The following PLSCR4 variants were observed in gnomAD, a reference collection of about 807,000 sequenced individuals.
PLSCR4 encodes phospholipid scramblase 4.
In PLSCR4, 25 loss-of-function variants were observed where a neutral mutation model predicts 36.3. That is an observed-to-expected ratio of 0.69 (90% confidence interval 0.50 to 0.96). PLSCR4 has a LOEUF of 0.96. Among genes scored for constraint, PLSCR4 ranks in the 40% least tolerant of loss-of-function variants. PLSCR4 has a pLI of 0.00. For missense variants in PLSCR4, 408 were observed against 414.7 expected (o/e 0.98, Z 0.14); for synonymous variants, 122 against 132.9 (o/e 0.92, Z 0.56).
intron 8 of PLSCR4, 101 bp downstream of exon 8, chr3:146,195,022 TA>T: frequency 1.1e-6 from 1 of 942,930 alleles, no homozygotes; most frequent in Non-Finnish European, 1.6e-6. Flanking sequence ...GGCACAGAGA[TA>T]AGTTGGATTG....
chr3:146,229,869 C>A (rs978564311), intron 1 of PLSCR4, among the ~76,000 whole-genome samples: 2 of 152,052 alleles, frequency 1.3e-5, no homozygotes, highest in African/African-American at 4.8e-5. Context: ...CGTGATCCAC[C>A]CGCCTCAGCC....
At position 146,231,967 on chromosome 3, in the gene PLSCR4, T is replaced by C. The variant is rs546539126; in HGVS notation, c.-21-9875A>G. On this transcript the variant is annotated intron_variant, in intron 1 of 8. Transcript: ENST00000354952. ...CAGAATGGTATGTCCTAGGTTTTCT[T>C]CTAGGGATTTTATAGTTTTAGGTCT... Among the ~76,000 whole-genome samples the C allele has an allele frequency of 2.6e-5, 4 of 152,322 alleles. No homozygotes were observed. The South Asian group carries it at 8.3e-4, about 32-fold the overall frequency.
Position 146,230,597 on chromosome 3 carries a change from G to A in PLSCR4, c.-21-8505C>T, listed in dbSNP as rs960333395. Among the ~76,000 whole-genome samples, 105 of 152,118 alleles carry A rather than the reference G, an allele frequency of 6.9e-4. 9 individuals carry two copies. Among genetic ancestry groups the A allele is most frequent in the Non-Finnish European group, 1.3e-4 (9 of 68,026 alleles). ...AAATACTATTGTCTCTTTGTTGCTTGGACATGTTGCTGTGTAACAGAGAGA... is the reference window on the plus strand; with the variant it reads ...AAATACTATTGTCTCTTTGTTGCTTAGACATGTTGCTGTGTAACAGAGAGA... On this transcript the variant is annotated intron_variant, in intron 1 of 8. Coordinates refer to ENST00000354952, the MANE Select transcript of PLSCR4 (RefSeq NM_020353.3).
intron 3 of PLSCR4, among the ~76,000 whole-genome samples, chr3:146,210,373 C>CA (rs1272593289): frequency 6.6e-6 from 1 of 151,936 alleles, no homozygotes; most frequent in Non-Finnish European, 1.5e-5. Context: ...GCCTTAGTGA[C>CA]AAGACATGAA....
intron 1 of PLSCR4, among the ~76,000 whole-genome samples, chr3:146,248,338 A>T (rs2036422296): frequency 6.6e-6 from 1 of 152,224 alleles, no homozygotes; most frequent in African/African-American, 2.4e-5. Context: ...TTTTCCTTAT[A>T]CACACGCATA....
At chr3:146,221,942 C>T (rs1037184102) in intron 2 of PLSCR4, 123 bp downstream of exon 2, 5 of 473,986 alleles carry the variant, frequency 1.1e-5, no homozygotes, top group Admixed American at 4.5e-5. Flanking sequence ...AACACACACA[C>T]GTATTTATAT....
intron 3 of PLSCR4, 67 bp from the exon 4 acceptor site, chr3:146,206,828 C>T (rs1361771895): frequency 1.2e-5 from 12 of 974,356 alleles, no homozygotes; most frequent in East Asian, 5.3e-5. Context: ...TTTTTACATG[C>T]GATGAAATAG....
intron 3 of PLSCR4, among the ~76,000 whole-genome samples, chr3:146,220,002 C>T (rs1209840267): frequency 6.6e-6 from 1 of 151,888 alleles, no homozygotes; most frequent in Non-Finnish European, 1.5e-5. Flanking sequence ...GTTTCTTTTC[C>T]CCCTTCAGAG....
chr3:146,198,310 C>T (rs2033860027), intron 6 of PLSCR4, among the ~76,000 whole-genome samples: 1 of 152,106 alleles, frequency 6.6e-6, no homozygotes, highest in Non-Finnish European at 1.5e-5. Flanking sequence ...AATGTATACA[C>T]ACACACACAA....
chr3:146,248,624 T>G (rs909615386), intron 1 of PLSCR4, among the ~76,000 whole-genome samples: 2 of 152,288 alleles, frequency 1.3e-5, no homozygotes, highest in South Asian at 4.1e-4. Flanking sequence ...CCTTTGAATA[T>G]ACCATACATT....
At chr3:146,223,897 T>G (rs963725992) in intron 1 of PLSCR4, 2 of 147,236 alleles carry the variant, frequency 1.4e-5, no homozygotes, top group Non-Finnish European at 3.0e-5. Context: ...ACATTTATAT[T>G]TTAAATATAT....
Position 146,194,424 on chromosome 3 carries a change from T to C in PLSCR4, c.977A>G (p.Gln326Arg), listed in dbSNP as rs748735519. The C allele has an allele frequency of 1.2e-6, 2 of 1,608,196 alleles. No individual in the cohort carries two copies. Among genetic ancestry groups the C allele is most frequent in the Admixed American group, 1.7e-5 (1 of 60,012 alleles). Residue 326 changes from glutamine (Q) to arginine (R), a missense_variant, in exon 9 of 9, where the codon CAA becomes CGA. Transcript: ENST00000354952. ...DFMYFERSPP[Q>R]RSR ...TGCTGTGTCTCTCTATCTTGAACGT[T>C]GTGGTGGAGATCTTTCAAAATACAT...
At chr3:146,230,639 G>C (rs1037046276) in intron 1 of PLSCR4, among the ~76,000 whole-genome samples, 1 of 152,168 alleles carries the variant, frequency 6.6e-6, no homozygotes, top group Non-Finnish European at 1.5e-5. Context: ...AGGAGCAGAA[G>C]AGGTGGGAAA....
intron 1 of PLSCR4, among the ~76,000 whole-genome samples, chr3:146,240,295 A>G (rs1402090957): frequency 6.6e-6 from 1 of 152,230 alleles, no homozygotes; most frequent in Non-Finnish European, 1.5e-5. Context: ...GATCATTAAA[A>G]AAAATGCGGA....
intron 3 of PLSCR4, among the ~76,000 whole-genome samples, chr3:146,210,296 A>C (rs2034551408): frequency 6.6e-6 from 1 of 152,262 alleles, no homozygotes; most frequent in Non-Finnish European, 1.5e-5. Flanking sequence ...ATTTTAGTTT[A>C]AATTAAATAA....
chr3:146,233,168 A>G (rs1228700140), intron 1 of PLSCR4, among the ~76,000 whole-genome samples: 1 of 152,100 alleles, frequency 6.6e-6, no homozygotes, highest in Non-Finnish European at 1.5e-5. Flanking sequence ...GCATTTATCT[A>G]TATTATTTCA....
chr3:146,239,379 C>T (rs1485268001), intron 1 of PLSCR4, among the ~76,000 whole-genome samples: 4 of 151,998 alleles, frequency 2.6e-5, no homozygotes, highest in Non-Finnish European at 4.4e-5. Flanking sequence ...AAAGAATAGA[C>T]ATATAGACCA....
intron 3 of PLSCR4, among the ~76,000 whole-genome samples, chr3:146,211,305 G>T (rs558778204): frequency 6.6e-6 from 1 of 151,972 alleles, no homozygotes; most frequent in African/African-American, 2.4e-5. Flanking sequence ...GATTACTAAT[G>T]ATGTTCAGCA....
intron 1 of PLSCR4, among the ~76,000 whole-genome samples, chr3:146,224,149 G>A (rs1255404889): frequency 6.6e-6 from 1 of 151,820 alleles, no homozygotes; most frequent in Non-Finnish European, 1.5e-5. Flanking sequence ...TCTTGCACAT[G>A]CACACAGGAT....
Sources: gnomAD v4.1 joint callset for allele counts (sites outside exome capture counted in the v4.1 genomes callset) on GRCh38, gnomAD v4.1.1 for gene constraint, MANE v1.5 for transcripts, NCBI Gene and HGNC (gene_info 2026-07-23, HGNC 2026-07-21) for gene names.